The following ZNF613 variants were observed in gnomAD, a reference collection of about 807,000 sequenced individuals.
ZNF613 encodes the protein zinc finger protein 613.
Under a neutral mutation model 14.3 loss-of-function variants are expected in ZNF613, and 8 were observed. The observed-to-expected ratio is 0.56, with a 90% CI of 0.33 to 1.01. The LOEUF (loss-of-function observed/expected upper bound fraction) is 1.01, where lower values mean the gene tolerates loss of function less well. ZNF613 is among the 50% of genes least tolerant of loss of function. The pLI is 0.03. For missense variants in ZNF613, 656 were observed against 741.9 expected, an observed-to-expected ratio of 0.88 and a Z score of 1.35; for synonymous variants, 228 against 254.5, an observed-to-expected ratio of 0.90 and a Z score of 0.99.
At chr19:51,938,744 ATATATATG>A (rs1409266211) in intron 3 of ZNF613, among the ~76,000 whole-genome samples, 4 of 143,298 alleles carry the variant, frequency 2.8e-5, no homozygotes, top group South Asian at 2.1e-4. Flanking sequence ...ATATATATAT[ATATATATG>A]TGCAATATGC....
chr19:51,939,430 G>T (rs1294231697), intron 3 of ZNF613, among the ~76,000 whole-genome samples: 1 of 152,076 alleles, frequency 6.6e-6, no homozygotes, highest in Non-Finnish European at 1.5e-5. Context: ...CTGGGTTCAA[G>T]TGATTCTCCT....
chr19:51,931,511 C>T (rs972510246), intron 2 of ZNF613, among the ~76,000 whole-genome samples: 3 of 152,008 alleles, frequency 2.0e-5, no homozygotes, highest in African/African-American at 7.3e-5. Flanking sequence ...GTAGCCTTTC[C>T]AGAATAGTTA....
chr19:51,930,940 G>GT (rs1278043046), intron 2 of ZNF613, among the ~76,000 whole-genome samples: 1 of 152,074 alleles, frequency 6.6e-6, no homozygotes, highest in Non-Finnish European at 1.5e-5. Context: ...GTTATTTTTA[G>GT]TTTTTTATTA....
In ZNF613 at chr19:51,940,598, T is replaced by C. The variant is rs759564269; in HGVS notation, c.143-19T>C. ...CTCAATTCAATGAGCCTAAGTTGTG[T>C]ATCATTTCCTATGAACAGGGTATCA... On this transcript the variant is annotated intron_variant, in intron 4 of 5. Coordinates refer to ENST00000293471, the MANE Select transcript of ZNF613 (RefSeq NM_001031721.4). The C allele has an allele frequency of 6.2e-7, 1 of 1,604,088 alleles. No individual in the cohort carries two copies. The highest frequency in any genetic ancestry group is 2.2e-5 in the East Asian group (1 of 44,832).
rs192462974 is a variant in ZNF613, at chr19:51,929,487, A to G, written c.-358-245A>G. ...CTGTTCTCTTCTAATTTACTCTTAC[A>G]TAGAAGAGCAATTAGTTTAGAAAAT... On this transcript the variant is annotated intron_variant, in intron 1 of 5. Transcript: ENST00000293471. Among the ~76,000 whole-genome samples, 104 of 152,188 alleles carry G rather than the reference A, an allele frequency of 6.8e-4. 2 individuals are homozygous for G. Among genetic ancestry groups the G allele is most frequent in the African/African-American group, 1.9e-3 (79 of 41,534 alleles).
chr19:51,929,633 C>T (rs2085247887), intron 1 of ZNF613, 99 bp from the exon 2 acceptor site: 1 of 152,188 alleles, frequency 6.6e-6, no homozygotes, highest in Admixed American at 6.5e-5. Flanking sequence ...TGCCTACCAT[C>T]TGGATTTTAT....
At chr19:51,939,777 T>C (rs1177232442) in intron 3 of ZNF613, among the ~76,000 whole-genome samples, 2 of 152,102 alleles carry the variant, frequency 1.3e-5, no homozygotes, top group Non-Finnish European at 2.9e-5. Flanking sequence ...TATCTTGTAG[T>C]GTTTGGGGTT....
At chr19:51,932,135 G>A (rs1050538794) in intron 2 of ZNF613, among the ~76,000 whole-genome samples, 2 of 152,006 alleles carry the variant, frequency 1.3e-5, no homozygotes, top group African/African-American at 4.8e-5. Flanking sequence ...ATAGCCTCCA[G>A]GAGCCCAGCG....
intron 2 of ZNF613, 94 bp from the exon 3 acceptor site, chr19:51,935,934 G>T (rs2085302227): frequency 2.8e-6 from 1 of 358,566 alleles, no homozygotes; most frequent in Non-Finnish European, 5.0e-6. Flanking sequence ...TAAAGGGACA[G>T]TTAGAGATGG....
At position 51,932,302 on chromosome 19, in the gene ZNF613, C is replaced by CTTT. The variant is rs34474633; in HGVS notation, c.-194+2428_-194+2430dup. On this transcript the variant is annotated intron_variant, in intron 2 of 5. Transcript: ENST00000293471. The stretch of plus-strand genomic sequence containing the variant: ...CTTTGGCCTTTTCGGCTCCCAACAT[C>CTTT]TTTTTTTTTTTTTTTTTTTTTTTTG... Among the ~76,000 whole-genome samples the CTTT allele has an allele frequency of 9.5e-3, 861 of 90,866 alleles. 3 individuals are homozygous for CTTT. The highest frequency in any genetic ancestry group is 0.013 in the Non-Finnish European group (625 of 47,628). 59.6% of individuals were successfully genotyped at this position (90,866 alleles called of 152,430 possible). A position where few individuals can be genotyped will look rare whatever the true frequency, so the allele number is the denominator to read the frequency against.
At chr19:51,939,006 C>G (rs1475272088) in intron 3 of ZNF613, among the ~76,000 whole-genome samples, 1 of 151,446 alleles carries the variant, frequency 6.6e-6, no homozygotes, top group African/African-American at 2.4e-5. Context: ...ACAGACGTAT[C>G]TGCCTTAGCC....
intron 5 of ZNF613, chr19:51,942,745 C>G (rs976994477): frequency 2.0e-5 from 3 of 150,336 alleles, no homozygotes; most frequent in African/African-American, 7.4e-5. Context: ...TGTCTCCAGG[C>G]TGGAGTGCAG....
At position 51,945,854 on chromosome 19, in the gene ZNF613, C is replaced by A; in HGVS notation, c.*117C>A. On this transcript the variant is annotated 3_prime_UTR_variant, in exon 6 of 6. Coordinates refer to ENST00000293471, the MANE Select transcript of ZNF613 (RefSeq NM_001031721.4). ...CAAGGTGGAAAGCCCTTGAATAAAA[C>A]CTTATGGCTAATAAGCATATACTCA... is the stretch of plus-strand genomic sequence containing the variant. The A allele has an allele frequency of 8.8e-7, 1 of 1,138,456 alleles. No individual in the cohort carries two copies. The highest frequency in any genetic ancestry group is 1.3e-6 in the Non-Finnish European group (1 of 799,930). 70.5% of individuals were successfully genotyped at this position (1,138,456 alleles called of 1,614,324 possible).
chr19:51,932,576 C>T (rs748045750), intron 2 of ZNF613, among the ~76,000 whole-genome samples: 3 of 152,032 alleles, frequency 2.0e-5, no homozygotes, highest in Non-Finnish European at 2.9e-5. Flanking sequence ...GGATTACAGG[C>T]GTGAGCCACC....
At chr19:51,933,433 C>A (rs1342528268) in intron 2 of ZNF613, among the ~76,000 whole-genome samples, 1 of 152,054 alleles carries the variant, frequency 6.6e-6, no homozygotes, top group East Asian at 1.9e-4. Flanking sequence ...TTAGAATAGA[C>A]AACAAACAAT....
At chr19:51,932,748 T>C (rs535700474) in intron 2 of ZNF613, among the ~76,000 whole-genome samples, 13 of 151,734 alleles carry the variant, frequency 8.6e-5, no homozygotes, top group Non-Finnish European at 1.5e-4. Context: ...CACTCTTGGC[T>C]CACTGCAAAC....
At position 51,934,153 on chromosome 19, in the gene ZNF613, C is replaced by T. The variant is rs2122810376; in HGVS notation, c.-193-1875C>T. Among the ~76,000 whole-genome samples the T allele has an allele frequency of 1.3e-5, 2 of 152,256 alleles. 1 individual carries two copies. Among genetic ancestry groups the T allele is most frequent in the South Asian group, 4.1e-4 (2 of 4,822 alleles). On this transcript the variant is annotated intron_variant, in intron 2 of 5. Coordinates refer to ENST00000293471, the MANE Select transcript of ZNF613 (RefSeq NM_001031721.4). ...TTGTTCTGTTGTTGTAAACCTTTGACTATTTTTCAGAGTTCTGACCAAGTT... is the reference window on the plus strand; with the variant it reads ...TTGTTCTGTTGTTGTAAACCTTTGATTATTTTTCAGAGTTCTGACCAAGTT...
chr19:51,940,649 A>G lies in ZNF613; in HGVS notation c.175A>G (p.Lys59Glu). ...AGCCAGCAAACCAGATGCACTCTTC[A>G]AGTTGGAACAAGGAGAGCCATGGAC... ...YQASKPDALF[K>E]LEQGEPWTVE... The change falls in exon 5 of 6, where the codon AAG becomes GAG. Residue 59 changes from lysine (K) to glutamate (E), a missense_variant. Physicochemically the swap from Lys to Glu is moderately conservative, Grantham distance 56 (BLOSUM62 1). Coordinates refer to ENST00000293471, the MANE Select transcript of ZNF613 (RefSeq NM_001031721.4). The G allele has an allele frequency of 6.2e-7, 1 of 1,613,662 alleles. No homozygotes were observed. The highest frequency in any genetic ancestry group is 1.7e-4 in the Middle Eastern group (1 of 6,056).
At position 51,944,716 on chromosome 19, in the gene ZNF613, A is replaced by C. The variant is rs1263660559; in HGVS notation, c.833A>C (p.His278Pro). The change falls in exon 6 of 6, where the codon CAC (histidine) becomes CCC (proline). Residue 278 changes from histidine (H) to proline (P), a missense_variant. His to Pro is a moderately conservative substitution (Grantham distance 77, BLOSUM62 -2). Transcript: ENST00000293471. ...AFRWKSQLNAHQKIHTGEKSY... is the reference protein window; with the variant it reads ...AFRWKSQLNAPQKIHTGEKSY... ...CGCTGGAAATCACAGCTCAATGCAC[A>C]CCAGAAAATTCATACAGGAGAGAAG... The C allele has an allele frequency of 6.2e-7, 1 of 1,614,056 alleles. No homozygotes were observed.
Sources: gnomAD v4.1 joint callset for allele counts (sites outside exome capture counted in the v4.1 genomes callset) on GRCh38, gnomAD v4.1.1 for gene constraint, MANE v1.5 for transcripts, NCBI Gene and HGNC (gene_info 2026-07-23, HGNC 2026-07-21) for gene names.